ARHGEF28: variants seen among roughly 807,000 people sequenced by gnomAD.
The protein encoded by ARHGEF28 is Rho guanine nucleotide exchange factor 28.
A neutral mutation model predicts 206.6 loss-of-function variants in ARHGEF28; 152 were observed. The ratio of observed to expected loss-of-function variants is 0.74; its 90% CI spans 0.64 to 0.84. The LOEUF is 0.84. ARHGEF28 is among the 40% of genes least tolerant of loss of function. The pLI is 0.00. For missense variants in ARHGEF28, 2,028 were observed against 2,073.2 expected (o/e 0.98, Z 0.42); for synonymous variants, 763 against 776.4 (o/e 0.98, Z 0.29).
intron 18 of ARHGEF28, among the ~76,000 whole-genome samples, chr5:73,866,216 G>A (rs1759697119): frequency 6.6e-6 from 1 of 152,144 alleles, no homozygotes; most frequent in South Asian, 2.1e-4. Context: ...TTTGTGTTGT[G>A]TGTACCATAT....
rs1394727097 is a variant in ARHGEF28 at position 73,868,007 on chromosome 5, A to G, written c.2284A>G (p.Thr762Ala). 6.2e-7 allele frequency: 1 copy of G among 1,613,960 alleles called. No individual in the cohort carries two copies. ...VHPLSRSVPG[T>A]TLESFRRSAT... is the part of the protein sequence containing the mutation. ...TCCATTGTCCAGAAGTGTTCCAGGC[A>G]CCACCTTGGAAAGGTAAGGCTGAGT... Residue 762 changes from threonine to alanine, a missense_variant, in exon 19 of 36, where the codon ACC becomes GCC. By Grantham distance (58) the Thr-to-Ala change is moderately conservative (BLOSUM62 0). Coordinates refer to ENST00000513042, the MANE Select transcript of ARHGEF28 (RefSeq NM_001177693.2).
At chr5:73,683,815 A>G (rs1328828893) in intron 1 of ARHGEF28, among the ~76,000 whole-genome samples, 1 of 152,136 alleles carries the variant, frequency 6.6e-6, no homozygotes, top group Non-Finnish European at 1.5e-5. Flanking sequence ...TGACTTTGGA[A>G]TCACCTGGAG....
intron 1 of ARHGEF28, among the ~76,000 whole-genome samples, chr5:73,651,390 T>C (rs1744818681): frequency 6.6e-6 from 1 of 152,212 alleles, no homozygotes; most frequent in African/African-American, 2.4e-5. Context: ...ATAGCAATAA[T>C]GGAGGGAAAA....
chr5:73,781,752 T>C (rs1753859346), intron 7 of ARHGEF28, among the ~76,000 whole-genome samples: 1 of 152,198 alleles, frequency 6.6e-6, no homozygotes, highest in Non-Finnish European at 1.5e-5. Flanking sequence ...ACATATTATC[T>C]TCTTATCAGT....
intron 2 of ARHGEF28, among the ~76,000 whole-genome samples, chr5:73,694,329 G>A (rs112561561): frequency 1.4e-4 from 21 of 152,296 alleles, no homozygotes; most frequent in Non-Finnish European, 2.9e-4. Context: ...TTTCAGGTCC[G>A]TGGGTAAGTA....
chr5:73,858,062 C>A (rs372030006), intron 15 of ARHGEF28, 25 bp from the exon 16 acceptor site: 5 of 1,579,142 alleles, frequency 3.2e-6, no homozygotes, highest in Non-Finnish European at 3.4e-6. Context: ...TCCCCACTTT[C>A]CTACTGCTGC....
At chr5:73,748,243 T>C (rs1001429705) in intron 2 of ARHGEF28, among the ~76,000 whole-genome samples, 1 of 152,214 alleles carries the variant, frequency 6.6e-6, no homozygotes, top group African/African-American at 2.4e-5. Context: ...GTATGGTAGA[T>C]TTTTCTTGGC....
chr5:73,892,335 TCTGCCCC>T, intron 27 of ARHGEF28, 105 bp downstream of exon 27: 2 of 1,329,714 alleles, frequency 1.5e-6, no homozygotes, highest in South Asian at 1.5e-5. Flanking sequence ...GCCAGAATGG[TCTGCCCC>T]CTGCCCCCTG....
intron 1 of ARHGEF28, among the ~76,000 whole-genome samples, chr5:73,633,733 T>C (rs796857661): frequency 3.3e-5 from 5 of 151,938 alleles, no homozygotes; most frequent in African/African-American, 9.7e-5. Flanking sequence ...CATGCCACCA[T>C]GCCCAGCTAA....
At chr5:73,714,034 G>A (rs1749422883) in intron 2 of ARHGEF28, among the ~76,000 whole-genome samples, 1 of 152,194 alleles carries the variant, frequency 6.6e-6, no homozygotes, top group African/African-American at 2.4e-5. Flanking sequence ...GGGTGGTACA[G>A]GTCAAGCTAC....
chr5:73,795,256 C>T, intron 8 of ARHGEF28, 75 bp from the exon 9 acceptor site: 5 of 1,381,784 alleles, frequency 3.6e-6, no homozygotes, highest in East Asian at 2.3e-5. Context: ...GGTTGTTTTT[C>T]TAGTTCACAA....
chr5:73,836,872 T>G (rs1280098500), intron 10 of ARHGEF28, among the ~76,000 whole-genome samples: 1 of 152,198 alleles, frequency 6.6e-6, no homozygotes, highest in Non-Finnish European at 1.5e-5. Context: ...TCATTTTTTT[T>G]GCATGTAGCT....
intron 14 of ARHGEF28, among the ~76,000 whole-genome samples, chr5:73,855,782 A>G (rs1476654748): frequency 2.0e-5 from 3 of 152,164 alleles, no homozygotes; most frequent in Admixed American, 6.5e-5. Context: ...TGAAGGATAT[A>G]TGATAAATTG....
At chr5:73,871,447 AGC>A (rs201784831) in intron 21 of ARHGEF28, among the ~76,000 whole-genome samples, 1,901 of 152,334 alleles carry the variant, frequency 0.012, 19 homozygotes, top group Middle Eastern at 0.024. Flanking sequence ...AAAATATTAA[AGC>A]TATATTTAGA....
chr5:73,905,803 G>T (rs918008588), intron 33 of ARHGEF28, among the ~76,000 whole-genome samples: 3 of 152,124 alleles, frequency 2.0e-5, no homozygotes, highest in Non-Finnish European at 2.9e-5. Flanking sequence ...TAAATGAGAA[G>T]AATTATTTTG....
intron 35 of ARHGEF28, among the ~76,000 whole-genome samples, chr5:73,933,937 C>A (rs1764275534): frequency 6.7e-6 from 1 of 149,472 alleles, no homozygotes; most frequent in Non-Finnish European, 1.5e-5. Flanking sequence ...TTTTTTTCCC[C>A]CTCAGTTTGT....
chr5:73,930,933 C>T (rs575102871), intron 35 of ARHGEF28, among the ~76,000 whole-genome samples: 37 of 152,300 alleles, frequency 2.4e-4, no homozygotes, highest in African/African-American at 8.2e-4. Context: ...CTTCTCTCTC[C>T]TGTGTTGAAA....
intron 1 of ARHGEF28, among the ~76,000 whole-genome samples, chr5:73,665,615 C>T (rs889771265): frequency 2.0e-5 from 3 of 152,116 alleles, no homozygotes; most frequent in Admixed American, 6.5e-5. Context: ...GGTGGGGCTG[C>T]ATCATCTCAT....
chr5:73,632,715 C>T (rs1223207932), intron 1 of ARHGEF28, among the ~76,000 whole-genome samples: 1 of 152,056 alleles, frequency 6.6e-6, no homozygotes, highest in Admixed American at 6.5e-5. Flanking sequence ...ATTTTGAATC[C>T]TTTCACAAAC....
Sources: allele counts gnomAD v4.1 joint callset (sites outside exome capture counted in the v4.1 genomes callset), GRCh38; gene constraint gnomAD v4.1.1; transcripts MANE v1.5; gene names NCBI Gene and HGNC (gene_info 2026-07-23, HGNC 2026-07-21).